PLIN3: variants seen among roughly 807,000 people sequenced by gnomAD.
PLIN3 encodes perilipin-3.
A neutral mutation model predicts 35.9 loss-of-function variants in PLIN3; 30 were observed. That is an observed-to-expected ratio of 0.84 (90% confidence interval 0.62 to 1.13). The LOEUF (loss-of-function observed/expected upper bound fraction) is 1.13, where lower values mean the gene tolerates loss of function less well. Ranked by LOEUF, PLIN3 falls within the 50% of genes most tolerant of loss-of-function variation. PLIN3 has a pLI of 0.00. For missense variants in PLIN3, 603 were observed against 596.9 expected, an observed-to-expected ratio of 1.01 and a Z score of -0.11; for synonymous variants, 261 against 262.5, an observed-to-expected ratio of 0.99 and a Z score of 0.06.
chr19:4,845,695 C>G (rs934267254), intron 6 of PLIN3, among the ~76,000 whole-genome samples: 4 of 151,862 alleles, frequency 2.6e-5, no homozygotes, highest in African/African-American at 9.7e-5. Context: ...GAGGCCGAGG[C>G]GGGTGGATCA....
chr19:4,859,600 G>C lies in PLIN3; in HGVS notation c.338C>G (p.Pro113Arg), dbSNP rs1349541310. The C allele has an allele frequency of 2.5e-6, 4 of 1,613,934 alleles. No individual in the cohort carries two copies. The African/African-American group carries it at 5.3e-5, about 22-fold the overall frequency. Residue 113 changes from proline to arginine, a missense_variant, in exon 4 of 8, where the codon CCC (proline) becomes CGC (arginine). Transcript: ENST00000221957. Reference protein sequence around the residue: ...LEENLPILQQPTEKVLADTKE... With the variant: ...LEENLPILQQRTEKVLADTKE... Reference sequence around the variant, plus strand: ...GACGGACATCGTTACCTTCTCCGTGGGCTGCTGCAGGATGGGGAGGTTCTC... The same window carrying C: ...GACGGACATCGTTACCTTCTCCGTGCGCTGCTGCAGGATGGGGAGGTTCTC...
At chr19:4,863,774 C>G (rs898694419) in intron 1 of PLIN3, among the ~76,000 whole-genome samples, 21 of 150,396 alleles carry the variant, frequency 1.4e-4, no homozygotes, top group African/African-American at 5.1e-4. Flanking sequence ...GTTGCAGTGA[C>G]CTGGTATTGC....
At position 4,852,318 on chromosome 19, in the gene PLIN3, C is replaced by T. The variant is rs770690141; in HGVS notation, c.349-17G>A. ...CGCCAGGACCTAGGAGATGCAACAG[C>T]ATCAGCATCTCTGCCTTCCCTCCAT... On this transcript the variant is annotated splice_polypyrimidine_tract_variant and intron_variant, in intron 4 of 7. Coordinates refer to ENST00000221957, the MANE Select transcript of PLIN3 (RefSeq NM_005817.5). 6.3e-7 allele frequency: 1 copy of T among 1,595,678 alleles called. No individual in the cohort carries two copies. The highest frequency in any genetic ancestry group is 1.7e-5 in the Admixed American group (1 of 59,836).
Position 4,847,706 on chromosome 19 carries a change from C to T in PLIN3, c.819G>A (p.Ser273=), listed in dbSNP as rs371698315. 120 of 1,603,330 alleles carry T rather than the reference C, an allele frequency of 7.5e-5. No homozygotes were observed. Among genetic ancestry groups the T allele is most frequent in the South Asian group, 1.6e-4 (14 of 89,638 alleles). Residue 273 remains serine (S), a synonymous_variant, in exon 6 of 8, where the codon TCG becomes TCA. Transcript: ENST00000221957. Reference sequence around the variant, plus strand: ...GGAACCTCACCAGGCTTAGGACCTGCGACAGCTGCAGCAGAGCCTCCTGTG... The same window carrying T: ...GGAACCTCACCAGGCTTAGGACCTGTGACAGCTGCAGCAGAGCCTCCTGTG... ...QRAQEALLQL[S]QVLSLMETVK...
At position 4,839,556 on chromosome 19, in the gene PLIN3, C is replaced by G; in HGVS notation, c.961-20G>C. On this transcript the variant is annotated intron_variant, in intron 7 of 7. Transcript: ENST00000221957. ...GACCTGCTGAGAAGGGAGATGGGGA[C>G]ACCAATCAGGACCATTTGTTTCAGG... is the stretch of plus-strand genomic sequence containing the variant. 6.7e-7 allele frequency: 1 copy of G among 1,491,536 alleles called. No individual in the cohort carries two copies. The highest frequency in any genetic ancestry group is 9.0e-7 in the Non-Finnish European group (1 of 1,115,916). The allele number at this position is 1,491,536 out of a possible 1,614,324, so 92.4% of individuals were successfully genotyped here.
chr19:4,867,001 G>C (rs983805501), intron 1 of PLIN3: 3 of 152,386 alleles, frequency 2.0e-5, no homozygotes, highest in Non-Finnish European at 2.9e-5. Context: ...AGGCCTAGCC[G>C]GGACAAGAAC....
At chr19:4,847,925 C>T in intron 5 of PLIN3, 35 bp from the exon 6 acceptor site, 1 of 1,491,440 alleles carries the variant, frequency 6.7e-7, no homozygotes, top group Non-Finnish European at 9.3e-7. Context: ...CTGTGAAGAC[C>T]AGAACACACA....
intron 4 of PLIN3, 137 bp from the exon 5 acceptor site, chr19:4,852,438 G>A (rs2030333107): frequency 7.8e-6 from 8 of 1,025,790 alleles, no homozygotes; most frequent in Non-Finnish European, 1.1e-5. Context: ...TCTTCCCTCT[G>A]TATGTGGGCA....
chr19:4,842,088 C>A (rs114158074), intron 7 of PLIN3, among the ~76,000 whole-genome samples: 2 of 151,572 alleles, frequency 1.3e-5, no homozygotes, highest in African/African-American at 4.9e-5. Context: ...AGACAGGGTT[C>A]GAGACCAGCC....
At chr19:4,850,621 A>T in intron 5 of PLIN3, among the ~76,000 whole-genome samples, 1 of 128,820 alleles carries the variant, frequency 7.8e-6, no homozygotes. Flanking sequence ...TTTTTAGTAG[A>T]GATGGGGTTT....
At chr19:4,851,379 G>C (rs145873253) in intron 5 of PLIN3, among the ~76,000 whole-genome samples, 1 of 152,092 alleles carries the variant, frequency 6.6e-6, no homozygotes, top group South Asian at 2.1e-4. Flanking sequence ...CAGGAGACTC[G>C]CTTGAACCCA....
chr19:4,858,032 T>C (rs1167255016), intron 4 of PLIN3, among the ~76,000 whole-genome samples: 1 of 150,310 alleles, frequency 6.7e-6, no homozygotes, highest in African/African-American at 2.5e-5. Flanking sequence ...CCCAGCACTT[T>C]GGGAGGCCGA....
At chr19:4,865,863 A>T (rs1216894667) in intron 1 of PLIN3, among the ~76,000 whole-genome samples, 1 of 151,144 alleles carries the variant, frequency 6.6e-6, no homozygotes, top group Non-Finnish European at 1.5e-5. Context: ...AGCTGGGACC[A>T]CAGGCGCCCG....
In PLIN3 at chr19:4,859,596, C is replaced by T. The variant is rs2030596442; in HGVS notation, c.342G>A (p.Thr114=). The part of the protein sequence containing the change: ...EENLPILQQP[T]EKVLADTKEL... ...TGAGGACGGACATCGTTACCTTCTC[C>T]GTGGGCTGCTGCAGGATGGGGAGGT... Residue 114 remains threonine, a synonymous_variant, in exon 4 of 8, where the codon ACG becomes ACA. Transcript: ENST00000221957. The T allele has an allele frequency of 3.1e-6, 5 of 1,613,882 alleles. No individual in the cohort carries two copies. Among genetic ancestry groups the T allele is most frequent in the African/African-American group, 2.7e-5 (2 of 74,908 alleles).
chr19:4,865,341 T>C (rs1372019665), intron 1 of PLIN3, among the ~76,000 whole-genome samples: 1 of 149,472 alleles, frequency 6.7e-6, no homozygotes, highest in Non-Finnish European at 1.5e-5. Flanking sequence ...ATACAAAAAT[T>C]AGCCGTGTAT....
At chr19:4,863,617 G>A (rs1186020541) in intron 1 of PLIN3, among the ~76,000 whole-genome samples, 5 of 151,686 alleles carry the variant, frequency 3.3e-5, no homozygotes, top group African/African-American at 4.8e-5. Context: ...TCAGGAGGTG[G>A]AGACCAGCCT....
intron 4 of PLIN3, among the ~76,000 whole-genome samples, chr19:4,857,120 C>T (rs2030501781): frequency 6.6e-6 from 1 of 151,964 alleles, no homozygotes; most frequent in South Asian, 2.1e-4. Flanking sequence ...TATTTAGAGA[C>T]AGGGTCTTTA....
intron 5 of PLIN3, among the ~76,000 whole-genome samples, chr19:4,851,225 G>A (rs2030278881): frequency 6.6e-6 from 1 of 152,056 alleles, no homozygotes; most frequent in African/African-American, 2.4e-5. Flanking sequence ...CCAGTACTTG[G>A]GGAGGCCGAG....
intron 7 of PLIN3, among the ~76,000 whole-genome samples, chr19:4,839,790 C>G (rs111858416): frequency 7.1e-6 from 1 of 140,170 alleles, no homozygotes; most frequent in Non-Finnish European, 1.5e-5. Flanking sequence ...CTCAGCCTCC[C>G]GAGTAGCTGG....
Sources: allele counts gnomAD v4.1 joint callset (sites outside exome capture counted in the v4.1 genomes callset), GRCh38; gene constraint gnomAD v4.1.1; transcripts MANE v1.5; gene names NCBI Gene and HGNC (gene_info 2026-07-23, HGNC 2026-07-21).